The following TRAT1 variants were observed in gnomAD, a reference collection of about 807,000 sequenced individuals.
TRAT1 encodes T cell receptor associated transmembrane adaptor 1.
In TRAT1, 20 loss-of-function variants were observed where a neutral mutation model predicts 20.0. The ratio of observed to expected loss-of-function variants is 1.00; its 90% confidence interval spans 0.70 to 1.45. The LOEUF (loss-of-function observed/expected upper bound fraction) is 1.45. Among genes scored for constraint, TRAT1 ranks in the 40% most tolerant of loss-of-function variants. The probability of loss-of-function intolerance (pLI) is 0.00; values close to 1 mark genes in which losing one functional copy is unlikely to be tolerated. For missense variants in TRAT1, 237 were observed against 224.1 expected, an observed-to-expected ratio of 1.06 and a Z score of -0.37; for synonymous variants, 77 against 74.2, an observed-to-expected ratio of 1.04 and a Z score of -0.20.
intron 1 of TRAT1, among the ~76,000 whole-genome samples, chr3:108,827,384 ATGTG>A (rs71103493): frequency 0.29 from 41,893 of 144,972 alleles, 6,654 homozygotes; most frequent in East Asian, 0.64. Flanking sequence ...GTATGTGTGT[ATGTG>A]TGTGTGTGTG....
At chr3:108,850,922 C>T (rs1945992654) in intron 5 of TRAT1, among the ~76,000 whole-genome samples, 1 of 152,178 alleles carries the variant, frequency 6.6e-6, no homozygotes, top group Non-Finnish European at 1.5e-5. Flanking sequence ...GGCTTTCACT[C>T]AAGTGAAAAT....
At chr3:108,843,301 G>A (rs1945911871) in intron 3 of TRAT1, among the ~76,000 whole-genome samples, 1 of 152,156 alleles carries the variant, frequency 6.6e-6, no homozygotes, top group Non-Finnish European at 1.5e-5. Flanking sequence ...GGAGGCCGAG[G>A]CAGGCAGATC....
intron 1 of TRAT1, among the ~76,000 whole-genome samples, chr3:108,828,790 T>C (rs574340155): frequency 8.2e-4 from 125 of 152,348 alleles, no homozygotes; most frequent in Non-Finnish European, 4.1e-4. Context: ...GAAGTTCAAC[T>C]CTCTGTTGCC....
chr3:108,842,636 G>A (rs1489899058), intron 3 of TRAT1, among the ~76,000 whole-genome samples: 2 of 152,302 alleles, frequency 1.3e-5, no homozygotes, highest in South Asian at 2.1e-4. Flanking sequence ...GAATTTCGGG[G>A]TTCCCCAAAC....
chr3:108,826,328 C>G (rs1945738938), intron 1 of TRAT1, among the ~76,000 whole-genome samples: 1 of 152,114 alleles, frequency 6.6e-6, no homozygotes, highest in South Asian at 2.1e-4. Context: ...TCACAGCCCA[C>G]TCCCCAACAC....
Position 108,853,663 on chromosome 3 carries a change from G to C in TRAT1, c.347G>C (p.Ser116Thr). The C allele has an allele frequency of 6.2e-7, 1 of 1,614,084 alleles. No individual in the cohort carries two copies. Among genetic ancestry groups the C allele is most frequent in the Non-Finnish European group, 8.5e-7 (1 of 1,179,962 alleles). ...ATGTGCTACGCCTCACTTGATCACA[G>C]CGTTAAGGGGAAGCGTAGAAAGCCC... ...TQMCYASLDH[S>T]VKGKRRKPRK... Residue 116 changes from serine (S) to threonine (T), a missense_variant, in exon 6 of 6, where the codon AGC (serine) becomes ACC (threonine). Physicochemically the swap from Ser to Thr is moderately conservative, Grantham distance 58. Transcript: ENST00000295756.
At chr3:108,830,908 C>CT (rs1286012936) in intron 2 of TRAT1, 128 bp downstream of exon 2, 4 of 644,854 alleles carry the variant, frequency 6.2e-6, no homozygotes, top group Admixed American at 2.8e-5. Context: ...TATAGAAAAT[C>CT]TATTTGCTAA....
intron 1 of TRAT1, among the ~76,000 whole-genome samples, chr3:108,828,610 C>G (rs556096259): frequency 1.2e-3 from 181 of 152,090 alleles, no homozygotes; most frequent in Non-Finnish European, 2.2e-3. Flanking sequence ...TAATGTCTTC[C>G]AGTTCATAGT....
intron 5 of TRAT1, among the ~76,000 whole-genome samples, chr3:108,849,843 T>C (rs1477426057): frequency 6.6e-6 from 1 of 152,212 alleles, no homozygotes; most frequent in Non-Finnish European, 1.5e-5. Context: ...GTTTCTCTTT[T>C]TCCTACCACA....
chr3:108,850,089 G>A (rs1156527830), intron 5 of TRAT1, among the ~76,000 whole-genome samples: 1 of 152,070 alleles, frequency 6.6e-6, no homozygotes, highest in African/African-American at 2.4e-5. Flanking sequence ...TTCCTATGAG[G>A]GAGGCAGCAT....
rs775107422 is a variant in TRAT1 at position 108,830,712 on chromosome 3, T to C, written c.50T>C (p.Leu17Ser). 5 of 1,613,898 alleles carry C rather than the reference T, an allele frequency of 3.1e-6. No individual in the cohort carries two copies. In the East Asian group the frequency reaches 1.1e-4, roughly 36 times the overall value. Residue 17 changes from leucine to serine, a missense_variant, in exon 2 of 6, where the codon TTG becomes TCG. Physicochemically the swap from Leu to Ser is moderately radical, Grantham distance 145. Coordinates refer to ENST00000295756, the MANE Select transcript of TRAT1 (RefSeq NM_016388.4). ...CPFFLWGLLA[L>S]LGLALVISLI... Reference sequence around the variant, plus strand: ...TTTTTCCTCTGGGGACTTCTAGCATTGTTGGGCTTGGCTTTGGTTATATCA... The same window carrying C: ...TTTTTCCTCTGGGGACTTCTAGCATCGTTGGGCTTGGCTTTGGTTATATCA...
At chr3:108,826,382 A>G (rs1052453093) in intron 1 of TRAT1, among the ~76,000 whole-genome samples, 1 of 152,152 alleles carries the variant, frequency 6.6e-6, no homozygotes, top group East Asian at 1.9e-4. Context: ...TAATAGACAC[A>G]TAAGGTCAGT....
At position 108,853,779 on chromosome 3, in the gene TRAT1, A is replaced by G; in HGVS notation, c.463A>G (p.Ser155Gly). The G allele has an allele frequency of 6.2e-7, 1 of 1,614,190 alleles. No homozygotes were observed. Among genetic ancestry groups the G allele is most frequent in the Non-Finnish European group, 8.5e-7 (1 of 1,180,008 alleles). The change falls in exon 6 of 6, where the codon AGT (serine) becomes GGT (glycine). Residue 155 changes from serine (S) to glycine (G), a missense_variant. Ser to Gly is a moderately conservative substitution (Grantham distance 56, BLOSUM62 0). Coordinates refer to ENST00000295756, the MANE Select transcript of TRAT1 (RefSeq NM_016388.4). ...ASVSKTTLVD[S>G]FSPESQAVEE... ...CGTTTCTAAGACCACCTTAGTAGAC[A>G]GTTTCTCCCCAGAAAGCCAGGCAGT...
intron 2 of TRAT1, among the ~76,000 whole-genome samples, chr3:108,838,549 G>T (rs936335402): frequency 3.3e-5 from 5 of 152,148 alleles, no homozygotes; most frequent in African/African-American, 7.2e-5. Context: ...GTACAGTCAT[G>T]CCCTGCAGTG....
chr3:108,829,328 A>C (rs1945769710), intron 1 of TRAT1, among the ~76,000 whole-genome samples: 1 of 152,124 alleles, frequency 6.6e-6, no homozygotes, highest in Admixed American at 6.6e-5. Flanking sequence ...TCGCACCTGT[A>C]ATCCCAGCAC....
rs748396459 is a variant in TRAT1 at position 108,830,671 on chromosome 3, A to C, written c.9A>C (p.Gly3=). The C allele has an allele frequency of 8.1e-6, 13 of 1,603,290 alleles. 1 individual carries two copies. The Admixed American group carries it at 2.2e-4, about 27-fold the overall frequency. Residue 3 remains glycine, a splice_region_variant and synonymous_variant, in exon 2 of 6, where the codon GGA becomes GGC. Coordinates refer to ENST00000295756, the MANE Select transcript of TRAT1 (RefSeq NM_016388.4). MS[G]ISGCPFFLWG... is the part of the protein sequence containing the mutation. ...GTGTATGTTTATTTTAATTTCCAGG[A>C]ATCTCTGGGTGCCCCTTTTTCCTCT...
At position 108,822,921 on chromosome 3, in the gene TRAT1, A is replaced by T. The variant is rs1292319979; in HGVS notation, c.-7A>T. 2 of 1,610,320 alleles carry T rather than the reference A, an allele frequency of 1.2e-6. No individual in the cohort carries two copies. The highest frequency in any genetic ancestry group is 2.7e-5 in the African/African-American group (2 of 74,824). ...GCTAGATAAAGATTTCTCTGAAAAA[A>T]AGAAGCATGTCAGGTAAGTGGCATT... On this transcript the variant is annotated 5_prime_UTR_variant, in exon 1 of 6. Transcript: ENST00000295756.
intron 3 of TRAT1, among the ~76,000 whole-genome samples, chr3:108,843,635 A>C (rs1945914909): frequency 6.6e-6 from 1 of 152,218 alleles, no homozygotes; most frequent in Non-Finnish European, 1.5e-5. Context: ...GAAAACTTGA[A>C]AGGTCCCTCT....
intron 3 of TRAT1, among the ~76,000 whole-genome samples, chr3:108,839,742 C>T (rs987523747): frequency 3.3e-5 from 5 of 151,666 alleles, no homozygotes; most frequent in Middle Eastern, 3.4e-3. Flanking sequence ...AATAGGGAAA[C>T]GTGATGAACA....
Sources: allele counts gnomAD v4.1 joint callset (sites outside exome capture counted in the v4.1 genomes callset), GRCh38; gene constraint gnomAD v4.1.1; transcripts MANE v1.5; gene names NCBI Gene and HGNC (gene_info 2026-07-23, HGNC 2026-07-21).